The following POLR3B variants were observed in gnomAD, a reference collection of about 807,000 sequenced individuals.
POLR3B encodes the protein RNA polymerase III subunit B, also known as DNA-directed RNA polymerase III subunit RPC2.
In POLR3B, 96 loss-of-function variants were observed where a neutral mutation model predicts 147.4. That is an observed-to-expected ratio of 0.65 (90% CI 0.55 to 0.77). The LOEUF is 0.77. Ranked by LOEUF, POLR3B falls within the 30% of genes least tolerant of loss-of-function variation. The pLI is 0.00. For missense variants in POLR3B, 1,036 were observed against 1,413.5 expected (o/e 0.73, Z 4.28); for synonymous variants, 461 against 485.9 (o/e 0.95, Z 0.67).
intron 25 of POLR3B, 36 bp from the exon 26 acceptor site, chr12:106,501,287 A>T (rs1592780899): frequency 7.4e-7 from 1 of 1,343,766 alleles, no homozygotes; most frequent in Non-Finnish European, 1.1e-6. Context: ...GCCCAAACTT[A>T]GTTTCTTAAC....
At chr12:106,431,368 GCTTCAGCTAA>G (rs2037508198) in intron 14 of POLR3B, among the ~76,000 whole-genome samples, 1 of 152,160 alleles carries the variant, frequency 6.6e-6, no homozygotes, top group South Asian at 2.1e-4. Context: ...CCCAGAGATT[GCTTCAGCTAA>G]CTTCAAAAAA....
At chr12:106,486,476 G>C (rs977329802) in intron 23 of POLR3B, among the ~76,000 whole-genome samples, 1 of 151,854 alleles carries the variant, frequency 6.6e-6, no homozygotes, top group Non-Finnish European at 1.5e-5. Flanking sequence ...ATCTTACTCT[G>C]CTCCTGAGAT....
intron 23 of POLR3B, among the ~76,000 whole-genome samples, chr12:106,483,772 G>A (rs2038301888): frequency 6.6e-6 from 1 of 152,166 alleles, no homozygotes; most frequent in Non-Finnish European, 1.5e-5. Flanking sequence ...GAGTTAGTAA[G>A]AGTGCTCAAG....
At chr12:106,473,764 G>T (rs1427789800) in intron 23 of POLR3B, among the ~76,000 whole-genome samples, 2 of 126,746 alleles carry the variant, frequency 1.6e-5, no homozygotes, top group African/African-American at 6.1e-5. Flanking sequence ...GAGATTTTGG[G>T]CTGAGATGAT....
chr12:106,479,693 C>G (rs1230815853), intron 23 of POLR3B, among the ~76,000 whole-genome samples: 3 of 152,014 alleles, frequency 2.0e-5, no homozygotes, highest in African/African-American at 7.2e-5. Context: ...TATTCTTTCT[C>G]TTATAGCAAG....
intron 18 of POLR3B, among the ~76,000 whole-genome samples, chr12:106,440,698 C>T (rs1361453204): frequency 2.6e-5 from 4 of 151,660 alleles, no homozygotes; most frequent in Admixed American, 6.6e-5. Flanking sequence ...AGTAGAAACT[C>T]TTATCTCTAT....
chr12:106,431,353 C>A (rs1045224365), intron 14 of POLR3B, among the ~76,000 whole-genome samples: 33 of 152,302 alleles, frequency 2.2e-4, no homozygotes, highest in African/African-American at 7.7e-4. Flanking sequence ...TGAAACATTT[C>A]ATTTCCCAGA....
At chr12:106,425,227 C>A (rs765740098) in intron 12 of POLR3B, among the ~76,000 whole-genome samples, 1 of 152,130 alleles carries the variant, frequency 6.6e-6, no homozygotes, top group African/African-American at 2.4e-5. Flanking sequence ...CCTGCCCCTC[C>A]CTGTGGTATC....
chr12:106,461,060 C>T (rs561959711), intron 22 of POLR3B, among the ~76,000 whole-genome samples: 1 of 152,064 alleles, frequency 6.6e-6, no homozygotes, highest in South Asian at 2.1e-4. Flanking sequence ...GAAGAGGTCA[C>T]CAAAGACATC....
At chr12:106,495,328 T>C (rs1027288290) in intron 23 of POLR3B, among the ~76,000 whole-genome samples, 6 of 152,202 alleles carry the variant, frequency 3.9e-5, no homozygotes, top group African/African-American at 1.4e-4. Flanking sequence ...ATTCTTAGAA[T>C]TCCATTTCTA....
chr12:106,413,268 A>G (rs1406345538), intron 12 of POLR3B, among the ~76,000 whole-genome samples: 3 of 152,018 alleles, frequency 2.0e-5, no homozygotes, highest in East Asian at 3.9e-4. Flanking sequence ...TTAGCTCTTA[A>G]GTTTAGGCCT....
chr12:106,492,878 A>G (rs1565914379), intron 23 of POLR3B, among the ~76,000 whole-genome samples: 1 of 150,580 alleles, frequency 6.6e-6, no homozygotes, highest in African/African-American at 2.4e-5. Flanking sequence ...CTGTGATTCT[A>G]TTTTTTTTTC....
In POLR3B at chr12:106,427,179, C is replaced by A. The variant is rs2037450542; in HGVS notation, c.1102-18C>A. ...TGCTTTTTGAAAAATCACCATATAC[C>A]TTTTTTTTTTTTTTTAGCTTTTATC... On this transcript the variant is annotated intron_variant, in intron 12 of 27. Coordinates refer to ENST00000228347, the MANE Select transcript of POLR3B (RefSeq NM_018082.6). 8.7e-7 allele frequency: 1 copy of A among 1,143,562 alleles called. No individual in the cohort carries two copies. The highest frequency in any genetic ancestry group is 2.5e-5 in the Admixed American group (1 of 40,024). The allele number at this position is 1,143,562 out of a possible 1,614,324, so 70.8% of individuals were successfully genotyped here.
At chr12:106,508,689 T>C (rs2038728154) in intron 27 of POLR3B, among the ~76,000 whole-genome samples, 1 of 152,238 alleles carries the variant, frequency 6.6e-6, no homozygotes, top group Non-Finnish European at 1.5e-5. Context: ...CTAATTGGAA[T>C]ATGAGGCAAA....
At chr12:106,482,114 ATTG>A (rs2038275682) in intron 23 of POLR3B, among the ~76,000 whole-genome samples, 1 of 152,236 alleles carries the variant, frequency 6.6e-6, no homozygotes, top group Non-Finnish European at 1.5e-5. Context: ...CTTCTGGATC[ATTG>A]TTGTAACTAA....
At chr12:106,431,457 G>A (rs940834765) in intron 14 of POLR3B, among the ~76,000 whole-genome samples, 1 of 152,114 alleles carries the variant, frequency 6.6e-6, no homozygotes, top group African/African-American at 2.4e-5. Flanking sequence ...CAAGTCACCT[G>A]TCTTAAGTAT....
In POLR3B at chr12:106,461,403, T is replaced by G. The variant is rs148068448; in HGVS notation, c.2570+2035T>G. 4.1e-3 allele frequency among the ~76,000 whole-genome samples: 618 copies of G among 152,250 alleles called. 7 individuals carry two copies. The highest frequency in any genetic ancestry group is 0.014 in the African/African-American group (600 of 41,542). The stretch of plus-strand genomic sequence containing the variant: ...GTGCCCAGCCCTTAAAAAATACTTT[T>G]TGAGCACTAACAGTATGCCAGGAAC... On this transcript the variant is annotated intron_variant, in intron 22 of 27. Transcript: ENST00000228347.
intron 19 of POLR3B, among the ~76,000 whole-genome samples, chr12:106,450,927 A>C (rs933048565): frequency 1.3e-5 from 2 of 152,340 alleles, no homozygotes; most frequent in Admixed American, 1.3e-4. Flanking sequence ...GTAGCCAAAA[A>C]CTGCGAAACG....
At chr12:106,414,618 C>T (rs2037276705) in intron 12 of POLR3B, among the ~76,000 whole-genome samples, 1 of 152,044 alleles carries the variant, frequency 6.6e-6, no homozygotes, top group Admixed American at 6.6e-5. Flanking sequence ...CTTATTGCTC[C>T]CTACTCCCTA....
Sources: allele counts gnomAD v4.1 joint callset (sites outside exome capture counted in the v4.1 genomes callset), GRCh38; gene constraint gnomAD v4.1.1; transcripts MANE v1.5; gene names NCBI Gene and HGNC (gene_info 2026-07-23, HGNC 2026-07-21).